SFXN1: variants seen among roughly 807,000 people sequenced by gnomAD.
SFXN1 encodes the protein sideroflexin 1, also known as sideroflexin-1.
Under a neutral mutation model 39.5 loss-of-function variants are expected in SFXN1, and 32 were observed. The ratio of observed to expected loss-of-function variants is 0.81; its 90% confidence interval spans 0.61 to 1.09. The LOEUF (loss-of-function observed/expected upper bound fraction) is 1.09, where lower values mean the gene tolerates loss of function less well. Among genes scored for constraint, SFXN1 ranks in the 50% least tolerant of loss-of-function variants. SFXN1 has a pLI of 0.00. For synonymous variants in SFXN1, 136 were observed against 146.5 expected (o/e 0.93, Z 0.52); for missense variants, 402 against 407.1 (o/e 0.99, Z 0.11).
In SFXN1 at chr5:175,481,798, A is replaced by T. The variant is rs189358075; in HGVS notation, c.-10+3159A>T. On this transcript the variant is annotated intron_variant, in intron 1 of 10. Coordinates refer to ENST00000321442, the MANE Select transcript of SFXN1 (RefSeq NM_022754.7). ...CACAAATCCATTGCTGAGTGGAAAT[A>T]GAATGAATCTAATGCTTTGCACAGA... is the stretch of plus-strand genomic sequence containing the variant. Among the ~76,000 whole-genome samples, 5 of 152,374 alleles carry T rather than the reference A, an allele frequency of 3.3e-5. No homozygotes were observed. The East Asian group carries it at 9.6e-4, about 29-fold the overall frequency.
intron 8 of SFXN1, among the ~76,000 whole-genome samples, chr5:175,518,530 G>A (rs534525272): frequency 5.3e-5 from 8 of 152,244 alleles, no homozygotes; most frequent in African/African-American, 9.6e-5. Context: ...GTTAAAATAC[G>A]CAGCGTTTAA....
chr5:175,522,621 CT>C, intron 10 of SFXN1, 199 bp downstream of exon 10: 1 of 492,874 alleles, frequency 2.0e-6, no homozygotes. Flanking sequence ...CAGCTCTTTT[CT>C]ACCCCCTTCC....
chr5:175,483,174 A>G (rs10055200), intron 1 of SFXN1, among the ~76,000 whole-genome samples: 12,784 of 152,200 alleles, frequency 0.084, 924 homozygotes, highest in African/African-American at 0.2. Flanking sequence ...GGGTAAAATA[A>G]TTTTTCAACA....
chr5:175,485,149 A>C (rs1054923569), intron 1 of SFXN1, among the ~76,000 whole-genome samples: 2 of 152,244 alleles, frequency 1.3e-5, no homozygotes, highest in African/African-American at 4.8e-5. Context: ...TTCTGGGTGC[A>C]GAGGAACACA....
chr5:175,524,319 G>A (rs1760993660), intron 10 of SFXN1, among the ~76,000 whole-genome samples: 1 of 151,288 alleles, frequency 6.6e-6, no homozygotes, highest in Non-Finnish European at 1.5e-5. Flanking sequence ...AGACAAGGGT[G>A]TCACACTGTC....
intron 2 of SFXN1, among the ~76,000 whole-genome samples, chr5:175,497,517 A>G (rs1165697461): frequency 6.6e-6 from 1 of 152,224 alleles, no homozygotes; most frequent in Non-Finnish European, 1.5e-5. Context: ...AGATCCAAAT[A>G]TTTTGATATT....
At chr5:175,490,719 T>C (rs1038628921) in intron 1 of SFXN1, among the ~76,000 whole-genome samples, 2 of 152,166 alleles carry the variant, frequency 1.3e-5, no homozygotes, top group Admixed American at 1.3e-4. Flanking sequence ...TCACTAGCTG[T>C]AAGGACAAAG....
chr5:175,485,188 T>C (rs1281300175), intron 1 of SFXN1, among the ~76,000 whole-genome samples: 1 of 152,254 alleles, frequency 6.6e-6, no homozygotes, highest in Non-Finnish European at 1.5e-5. Context: ...GTATTTCTTA[T>C]GCCACTATAG....
intron 2 of SFXN1, among the ~76,000 whole-genome samples, chr5:175,501,721 A>G (rs1393193068): frequency 6.6e-6 from 1 of 152,196 alleles, no homozygotes; most frequent in Admixed American, 6.5e-5. Context: ...GCAAGTAAGC[A>G]TATGGAACTA....
At chr5:175,502,216 T>C (rs1169023679) in intron 2 of SFXN1, among the ~76,000 whole-genome samples, 1 of 152,134 alleles carries the variant, frequency 6.6e-6, no homozygotes, top group Non-Finnish European at 1.5e-5. Context: ...CAGGAGCAAT[T>C]TGGGGAGGTT....
At chr5:175,490,199 T>C (rs1189085081) in intron 1 of SFXN1, among the ~76,000 whole-genome samples, 1 of 152,156 alleles carries the variant, frequency 6.6e-6, no homozygotes, top group Admixed American at 6.5e-5. Context: ...TCTGACCCTC[T>C]GTGATGACAG....
chr5:175,509,259 T>G, intron 3 of SFXN1, 57 bp downstream of exon 3: 1 of 1,491,708 alleles, frequency 6.7e-7, no homozygotes, highest in South Asian at 1.3e-5. Flanking sequence ...TCAAAGTATA[T>G]TTTTGTATGT....
At chr5:175,483,083 T>A (rs2113253451) in intron 1 of SFXN1, among the ~76,000 whole-genome samples, 1 of 152,358 alleles carries the variant, frequency 6.6e-6, no homozygotes, top group South Asian at 2.1e-4. Context: ...CATGAAACTA[T>A]ATTTACTCAA....
intron 1 of SFXN1, among the ~76,000 whole-genome samples, chr5:175,489,262 T>G (rs1199784642): frequency 6.6e-6 from 1 of 152,230 alleles, no homozygotes; most frequent in African/African-American, 2.4e-5. Context: ...TTATCTGTCT[T>G]ATTCTGTTGT....
At chr5:175,507,139 G>A (rs1465044179) in intron 2 of SFXN1, among the ~76,000 whole-genome samples, 1 of 152,020 alleles carries the variant, frequency 6.6e-6, no homozygotes, top group Non-Finnish European at 1.5e-5. Context: ...TTGGCTTATG[G>A]GTACATTGCT....
chr5:175,501,602 C>T (rs1246439626), intron 2 of SFXN1, among the ~76,000 whole-genome samples: 1 of 152,060 alleles, frequency 6.6e-6, no homozygotes, highest in African/African-American at 2.4e-5. Context: ...CAATATTGAA[C>T]TATATCACTT....
At chr5:175,511,918 C>A (rs192511085) in intron 5 of SFXN1, among the ~76,000 whole-genome samples, 193 bp from the exon 6 acceptor site, 1 of 152,288 alleles carries the variant, frequency 6.6e-6, no homozygotes, top group East Asian at 1.9e-4. Context: ...GCCTTAGAAG[C>A]TTGCATGGTC....
At chr5:175,520,621 CTT>C (rs920162977) in intron 8 of SFXN1, among the ~76,000 whole-genome samples, 1 of 152,194 alleles carries the variant, frequency 6.6e-6, no homozygotes, top group Non-Finnish European at 1.5e-5. Flanking sequence ...CAGCTGCTCT[CTT>C]TTGAGTAACA....
chr5:175,496,833 T>G (rs1040632404), intron 2 of SFXN1, among the ~76,000 whole-genome samples: 23 of 152,166 alleles, frequency 1.5e-4, no homozygotes, highest in Admixed American at 1.3e-3. Context: ...GGTGATAAAT[T>G]GCCTAGGCCT....
Sources: gnomAD v4.1 joint callset for allele counts (sites outside exome capture counted in the v4.1 genomes callset) on GRCh38, gnomAD v4.1.1 for gene constraint, MANE v1.5 for transcripts, NCBI Gene and HGNC (gene_info 2026-07-23, HGNC 2026-07-21) for gene names.